The following NR4A3 variants were observed in gnomAD, a reference collection of about 807,000 sequenced individuals.
NR4A3 encodes the protein nuclear receptor subfamily 4 group A member 3.
Under a neutral mutation model 55.6 loss-of-function variants are expected in NR4A3, and 13 were observed. The ratio of observed to expected loss-of-function variants is 0.23; its 90% CI spans 0.15 to 0.37. The LOEUF is 0.37. Ranked by LOEUF, NR4A3 falls within the 10% of genes least tolerant of loss-of-function variation. NR4A3 has a pLI of 1.00. For missense variants in NR4A3, 646 were observed against 822.8 expected (o/e 0.79, Z 2.63); for synonymous variants, 342 against 357.9 (o/e 0.96, Z 0.50).
At chr9:99,855,317 C>CA (rs1827910989) in intron 7 of NR4A3, among the ~76,000 whole-genome samples, 1 of 152,086 alleles carries the variant, frequency 6.6e-6, no homozygotes, top group African/African-American at 2.4e-5. Context: ...TGGCATATGA[C>CA]AAATATTCAT....
Position 99,822,745 on chromosome 9 carries a change from T to TCGG in NR4A3, c.-177+358_-177+360dup, listed in dbSNP as rs538379255. Among the ~76,000 whole-genome samples, 56 of 152,084 alleles carry TCGG rather than the reference T, an allele frequency of 3.7e-4. No individual in the cohort carries two copies. In the East Asian group the frequency reaches 4.1e-3, roughly 11 times the overall value. ...TCTAGTTGTCATGGTAATGATGCTC[T>TCGG]CGGCGGCGGCGGCGGCGGCGGCAGC... On this transcript the variant is annotated intron_variant, in intron 1 of 7. Transcript: ENST00000395097. The surrounding 1 kb of genome is among the most constrained non-coding windows in gnomAD (Gnocchi z 4.9).
chr9:99,855,751 G>T (rs1054948542), intron 7 of NR4A3, among the ~76,000 whole-genome samples: 2 of 152,172 alleles, frequency 1.3e-5, no homozygotes, highest in Non-Finnish European at 2.9e-5. Flanking sequence ...GTAGAGCTCC[G>T]AGTGGGGAGT....
At chr9:99,848,692 C>T (rs1827797265) in intron 7 of NR4A3, among the ~76,000 whole-genome samples, 1 of 152,216 alleles carries the variant, frequency 6.6e-6, no homozygotes, top group Admixed American at 6.5e-5. Flanking sequence ...TGATTTATGC[C>T]TGTCTCCCTC....
intron 5 of NR4A3, chr9:99,834,152 A>G (rs1483590761): frequency 5.8e-6 from 3 of 518,126 alleles, no homozygotes; most frequent in Non-Finnish European, 7.7e-6. Context: ...AGTTAAGTCA[A>G]CCAAAACATA....
chr9:99,844,650 A>G lies in NR4A3; in HGVS notation c.1256A>G (p.Tyr419Cys). 1 of 1,613,988 alleles carries G rather than the reference A, an allele frequency of 6.2e-7. No individual in the cohort carries two copies. Among genetic ancestry groups the G allele is most frequent in the Non-Finnish European group, 8.5e-7 (1 of 1,179,870 alleles). The change falls in exon 6 of 8, where the codon TAC (tyrosine) becomes TGC (cysteine). Residue 419 changes from tyrosine (Y) to cysteine (C), a missense_variant and splice_region_variant. Around this residue, in one of 5 missense-constraint regions of NR4A3, gnomAD observed 163 missense variants for 233.0 expected, o/e 0.70. Coordinates refer to ENST00000395097, the MANE Select transcript of NR4A3 (RefSeq NM_006981.4). ...TGCTCTCTCTGGTTTGCATTCTAGT[A>G]CTGTCCCACTGACCAGGCTGCTGCA... ...STPRDLDYSR[Y>C]CPTDQAAAGT... is the part of the protein sequence containing the mutation.
intron 7 of NR4A3, among the ~76,000 whole-genome samples, chr9:99,855,655 G>T (rs965940878): frequency 2.6e-5 from 4 of 152,188 alleles, no homozygotes; most frequent in Non-Finnish European, 5.9e-5. Flanking sequence ...ACCAGCGTGG[G>T]CTCAATGTCT....
At chr9:99,833,211 C>T (rs1331440550) in intron 4 of NR4A3, 71 bp from the exon 5 acceptor site, 28 of 1,517,608 alleles carry the variant, frequency 1.8e-5, no homozygotes, top group Non-Finnish European at 2.4e-5. Context: ...TGTTTTTATT[C>T]CTTTTTGCGA....
chr9:99,841,059 T>C (rs1827641267), intron 5 of NR4A3, among the ~76,000 whole-genome samples: 1 of 151,950 alleles, frequency 6.6e-6, no homozygotes, highest in South Asian at 2.1e-4. Flanking sequence ...GGTAAAACCC[T>C]GTCTCTACTA....
chr9:99,866,051 A>G lies in NR4A3; in HGVS notation c.*2184A>G, dbSNP rs1286436081. 1 of 214,638 alleles carries G rather than the reference A, an allele frequency of 4.7e-6. No individual in the cohort carries two copies. Among genetic ancestry groups the G allele is most frequent in the African/African-American group, 2.3e-5 (1 of 44,326 alleles). 13.3% of individuals were successfully genotyped at this position (214,638 alleles called of 1,614,324 possible). On this transcript the variant is annotated 3_prime_UTR_variant, in exon 8 of 8. Coordinates refer to ENST00000395097, the MANE Select transcript of NR4A3 (RefSeq NM_006981.4). ...CTTTTTTTTTCTCAACTTCATCTAT[A>G]TAAAATCAGGCTTTTAAACATAACC...
chr9:99,859,416 TC>T (rs951041272), intron 7 of NR4A3, among the ~76,000 whole-genome samples: 1 of 152,216 alleles, frequency 6.6e-6, no homozygotes, highest in African/African-American at 2.4e-5. Flanking sequence ...TTGAAAATCT[TC>T]CTGGCTGCTG....
chr9:99,824,926 A>T (rs1028999804), intron 1 of NR4A3, among the ~76,000 whole-genome samples: 2 of 152,124 alleles, frequency 1.3e-5, no homozygotes, highest in Non-Finnish European at 2.9e-5. Flanking sequence ...ACCCTCGAAG[A>T]CACCGCCCTC....
chr9:99,826,345 C>T (rs887910794), intron 2 of NR4A3, among the ~76,000 whole-genome samples: 1 of 152,202 alleles, frequency 6.6e-6, no homozygotes, highest in African/African-American at 2.4e-5. Context: ...TGTACCACCT[C>T]TTTACAAATT....
intron 3 of NR4A3, 26 bp downstream of exon 3, chr9:99,829,019 C>T: frequency 7.6e-7 from 1 of 1,312,570 alleles, no homozygotes. Flanking sequence ...CCCCTCCCCT[C>T]CGCACCCAGC....
rs1401591802 is a variant in NR4A3, at chr9:99,863,693, C to T, written c.1707C>T (p.His569=). ...CNKITSSLKD[H]QSKGQALEPT... is the part of the protein sequence containing the mutation. Reference sequence around the variant, plus strand: ...AGATCACAAGCAGTTTAAAAGACCACCAGAGTAAGGGACAGGCTCTGGAGC... The same window carrying T: ...AGATCACAAGCAGTTTAAAAGACCATCAGAGTAAGGGACAGGCTCTGGAGC... Residue 569 remains histidine (H), a synonymous_variant, in exon 8 of 8, where the codon CAC becomes CAT. Transcript: ENST00000395097. The T allele has an allele frequency of 1.2e-6, 2 of 1,613,894 alleles. No individual in the cohort carries two copies. Among genetic ancestry groups the T allele is most frequent in the Non-Finnish European group, 1.7e-6 (2 of 1,179,978 alleles).
In NR4A3 at chr9:99,825,821, G is replaced by A. The variant is rs1827286108; in HGVS notation, c.-14G>A. On this transcript the variant is annotated 5_prime_UTR_variant, in exon 2 of 8. Coordinates refer to ENST00000395097, the MANE Select transcript of NR4A3 (RefSeq NM_006981.4). This position sits in a 1 kb window ranked among gnomAD's most constrained non-coding sequence, Gnocchi z 5.0. The stretch of plus-strand genomic sequence containing the variant: ...CCCAGCCCCACCATTCAGCGCGCAA[G>A]ATACCCTCCAGGTAGGTCCGAAGGC... 1 of 173,084 alleles carries A rather than the reference G, an allele frequency of 5.8e-6. No individual in the cohort carries two copies. Among genetic ancestry groups the A allele is most frequent in the Non-Finnish European group, 1.3e-5 (1 of 79,862 alleles). The allele number at this position is 173,084 out of a possible 1,614,324, so 10.7% of individuals were successfully genotyped here.
At position 99,844,773 on chromosome 9, in the gene NR4A3, A is replaced by G; in HGVS notation, c.1379A>G (p.Asp460Gly). 1 of 1,614,180 alleles carries G rather than the reference A, an allele frequency of 6.2e-7. No homozygotes were observed. Among genetic ancestry groups the G allele is most frequent in the Non-Finnish European group, 8.5e-7 (1 of 1,180,004 alleles). The change falls in exon 6 of 8, where the codon GAT becomes GGT. Residue 460 changes from aspartate to glycine, a missense_variant. Around this residue, in one of 5 missense-constraint regions of NR4A3, gnomAD observed 163 missense variants for 233.0 expected, o/e 0.70. Transcript: ENST00000395097. ...SWAEKIPGFT[D>G]LPKEDQTLLI... is the part of the protein sequence containing the mutation. Reference sequence around the variant, plus strand: ...GCAGAAAAGATTCCGGGATTTACTGATCTCCCCAAAGAAGATCAGACATTA... The same window carrying G: ...GCAGAAAAGATTCCGGGATTTACTGGTCTCCCCAAAGAAGATCAGACATTA...
At chr9:99,840,369 T>A (rs1366793686) in intron 5 of NR4A3, among the ~76,000 whole-genome samples, 1 of 152,226 alleles carries the variant, frequency 6.6e-6, no homozygotes, top group Non-Finnish European at 1.5e-5. Flanking sequence ...TGATGGATTC[T>A]GAACAAATAT....
At chr9:99,859,941 A>G (rs983845526) in intron 7 of NR4A3, among the ~76,000 whole-genome samples, 4 of 152,194 alleles carry the variant, frequency 2.6e-5, no homozygotes, top group Admixed American at 6.5e-5. Flanking sequence ...TTCATTATTA[A>G]TTCAATTTAG....
intron 7 of NR4A3, among the ~76,000 whole-genome samples, chr9:99,855,884 G>A (rs1827920582): frequency 1.3e-5 from 2 of 152,166 alleles, no homozygotes; most frequent in African/African-American, 2.4e-5. Flanking sequence ...TGCTCAGAAA[G>A]GGGAGTTACT....
Sources: allele counts gnomAD v4.1 joint callset (sites outside exome capture counted in the v4.1 genomes callset), GRCh38; gene constraint gnomAD v4.1.1; regional missense constraint gnomAD v4.1.1; non-coding constraint Gnocchi (gnomAD v3.1); transcripts MANE v1.5; gene names NCBI Gene and HGNC (gene_info 2026-07-23, HGNC 2026-07-21).